Variants in GRM1 observed in about 807,000 individuals in gnomAD.
GRM1 encodes the protein glutamate metabotropic receptor 1, also known as metabotropic glutamate receptor 1.
A neutral mutation model predicts 90.9 loss-of-function variants in GRM1; 33 were observed. The observed-to-expected ratio is 0.36, with a 90% CI of 0.28 to 0.49. The LOEUF (loss-of-function observed/expected upper bound fraction) is 0.49, where lower values mean the gene tolerates loss of function less well. Among genes scored for constraint, GRM1 ranks in the 20% least tolerant of loss-of-function variants. GRM1 has a pLI of 0.99. For missense variants in GRM1, 1,190 were observed against 1,534.3 expected (o/e 0.78, Z 3.75); for synonymous variants, 700 against 613.2 (o/e 1.14, Z -2.09).
intron 7 of GRM1, among the ~76,000 whole-genome samples, chr6:146,418,387 AAAT>A (rs1411331688): frequency 9.9e-5 from 15 of 151,788 alleles, no homozygotes; most frequent in Non-Finnish European, 5.9e-5. Context: ...TTTATATTAA[AAAT>A]AATAAATATT....
intron 3 of GRM1, among the ~76,000 whole-genome samples, chr6:146,347,964 G>T (rs1320631855): frequency 6.6e-6 from 1 of 152,212 alleles, no homozygotes; most frequent in East Asian, 1.9e-4. Context: ...AACCAAGGCA[G>T]CTATTTTCAT....
intron 3 of GRM1, among the ~76,000 whole-genome samples, chr6:146,347,303 A>G (rs1583361587): frequency 2.0e-5 from 3 of 152,162 alleles, no homozygotes; most frequent in African/African-American, 7.2e-5. Context: ...GTGCCTGCAT[A>G]TGAATTCCTC....
chr6:146,107,954 C>T (rs761897584), intron 1 of GRM1, among the ~76,000 whole-genome samples: 17 of 152,098 alleles, frequency 1.1e-4, no homozygotes, highest in Non-Finnish European at 2.2e-4. Flanking sequence ...TATCTATCTC[C>T]AATTCATTTT....
chr6:146,245,649 T>C (rs993694504), intron 2 of GRM1, among the ~76,000 whole-genome samples: 6 of 152,190 alleles, frequency 3.9e-5, no homozygotes, highest in African/African-American at 1.4e-4. Flanking sequence ...AGTGAATACA[T>C]TCATTTTCTC....
chr6:146,226,538 A>G (rs1370932892), intron 2 of GRM1, among the ~76,000 whole-genome samples: 1 of 152,126 alleles, frequency 6.6e-6, no homozygotes, highest in Non-Finnish European at 1.5e-5. Flanking sequence ...GAGTAACACA[A>G]TGCCTGCTCA....
At chr6:146,276,553 T>C (rs1782368016) in intron 2 of GRM1, among the ~76,000 whole-genome samples, 1 of 152,168 alleles carries the variant, frequency 6.6e-6, no homozygotes, top group African/African-American at 2.4e-5. Context: ...AGACTCATTA[T>C]GCCAATAATT....
chr6:146,319,110 G>T (rs771249334), intron 3 of GRM1, among the ~76,000 whole-genome samples: 13 of 152,012 alleles, frequency 8.6e-5, no homozygotes, highest in Non-Finnish European at 1.6e-4. Flanking sequence ...TTTCTTCTAG[G>T]GTTTTTATGA....
At chr6:146,075,774 C>A (rs899624529) in intron 1 of GRM1, among the ~76,000 whole-genome samples, 1 of 152,172 alleles carries the variant, frequency 6.6e-6, no homozygotes, top group African/African-American at 2.4e-5. Flanking sequence ...TCCTGGCACT[C>A]ATTGACATTC....
At chr6:146,073,731 G>A (rs2128859694) in intron 1 of GRM1, among the ~76,000 whole-genome samples, 1 of 152,088 alleles carries the variant, frequency 6.6e-6, no homozygotes, top group South Asian at 2.1e-4. Context: ...ATGGCCACAA[G>A]AATATTAGGC....
chr6:146,104,715 C>A (rs1003416807), intron 1 of GRM1, among the ~76,000 whole-genome samples: 4 of 152,174 alleles, frequency 2.6e-5, no homozygotes, highest in African/African-American at 9.7e-5. Context: ...AGCCCTCGAG[C>A]TCTAGCGAAA....
chr6:146,148,942 T>C (rs963979980), intron 1 of GRM1, among the ~76,000 whole-genome samples: 9 of 152,216 alleles, frequency 5.9e-5, no homozygotes, highest in Admixed American at 3.9e-4. Context: ...GAATTGCTCC[T>C]GTGAACCTGT....
At chr6:146,235,609 T>C (rs1780615586) in intron 2 of GRM1, among the ~76,000 whole-genome samples, 1 of 152,106 alleles carries the variant, frequency 6.6e-6, no homozygotes, top group Non-Finnish European at 1.5e-5. Flanking sequence ...TTGACTTTTA[T>C]CCTTTATCTC....
intron 3 of GRM1, among the ~76,000 whole-genome samples, chr6:146,315,788 T>G (rs1244035844): frequency 6.6e-6 from 1 of 152,226 alleles, no homozygotes; most frequent in Non-Finnish European, 1.5e-5. Context: ...GTTTTGGCCC[T>G]GGCTGTGGCA....
chr6:146,264,737 T>A (rs1307001749), intron 2 of GRM1, among the ~76,000 whole-genome samples: 1 of 152,168 alleles, frequency 6.6e-6, no homozygotes, highest in Admixed American at 6.5e-5. Flanking sequence ...CATCTTTATG[T>A]CCATGTGTGC....
chr6:146,380,932 A>C (rs1343826740), intron 5 of GRM1, among the ~76,000 whole-genome samples: 1 of 152,132 alleles, frequency 6.6e-6, no homozygotes, highest in Non-Finnish European at 1.5e-5. Flanking sequence ...CTAGGGCCTG[A>C]AACAGGGGCT....
intron 1 of GRM1, among the ~76,000 whole-genome samples, chr6:146,140,573 A>G (rs1011478643): frequency 1.3e-5 from 2 of 152,116 alleles, no homozygotes; most frequent in African/African-American, 2.4e-5. Flanking sequence ...CCAGCCTGTT[A>G]TATGTTTTTT....
intron 5 of GRM1, among the ~76,000 whole-genome samples, chr6:146,382,165 C>T (rs549813422): frequency 1.3e-5 from 2 of 152,104 alleles, no homozygotes; most frequent in East Asian, 3.9e-4. Flanking sequence ...ACATAAAAAG[C>T]ATTTTATTGT....
intron 1 of GRM1, among the ~76,000 whole-genome samples, chr6:146,048,218 T>C (rs1299114305): frequency 6.6e-6 from 1 of 152,062 alleles, no homozygotes; most frequent in Non-Finnish European, 1.5e-5. Context: ...TAAGCAAATA[T>C]TGTTTTGTTA....
chr6:146,184,085 C>A (rs1778639684), intron 2 of GRM1, among the ~76,000 whole-genome samples: 1 of 152,042 alleles, frequency 6.6e-6, no homozygotes, highest in Non-Finnish European at 1.5e-5. Flanking sequence ...TTAAATGGGT[C>A]ACCTCGGACA....
Sources: gnomAD v4.1 joint callset for allele counts (sites outside exome capture counted in the v4.1 genomes callset) on GRCh38, gnomAD v4.1.1 for gene constraint, MANE v1.5 for transcripts, NCBI Gene and HGNC (gene_info 2026-07-23, HGNC 2026-07-21) for gene names.